Variants in NSMAF observed in about 807,000 individuals in gnomAD.
NSMAF encodes the protein neutral sphingomyelinase activation associated factor.
A neutral mutation model predicts 134.9 loss-of-function variants in NSMAF; 90 were observed. The ratio of observed to expected loss-of-function variants is 0.67; its 90% CI spans 0.56 to 0.79. NSMAF has a LOEUF of 0.79. Ranked by LOEUF, NSMAF falls within the 30% of genes least tolerant of loss-of-function variation. The pLI is 0.00. For synonymous variants in NSMAF, 358 were observed against 389.6 expected, an observed-to-expected ratio of 0.92 and a Z score of 0.96; for missense variants, 1,010 against 1,119.0, an observed-to-expected ratio of 0.90 and a Z score of 1.39.
chr8:58,592,793 G>A (rs558740444), intron 23 of NSMAF, among the ~76,000 whole-genome samples: 172 of 151,990 alleles, frequency 1.1e-3, no homozygotes, highest in African/African-American at 3.4e-3. Context: ...AGGCTGAGGC[G>A]GGAGAATCGC....
rs145049734 is a variant in NSMAF, at chr8:58,643,086, C to G, written c.60-13G>C. The G allele has an allele frequency of 1.3e-5, 21 of 1,600,734 alleles. No homozygotes were observed. In the Middle Eastern group the frequency reaches 9.9e-4, roughly 75 times the overall value. ...CAGCAAGGAAAATCTGGATTTGGGG[C>G]GAAAAAACAACTTTCAGTTTATTTT... On this transcript the variant is annotated splice_polypyrimidine_tract_variant and intron_variant, in intron 1 of 30. Coordinates refer to ENST00000038176, the MANE Select transcript of NSMAF (RefSeq NM_003580.4).
rs148436988 is a variant in NSMAF, at chr8:58,608,186, C to T, written c.688-346G>A. Among the ~76,000 whole-genome samples, 1,197 of 152,274 alleles carry T rather than the reference C, an allele frequency of 7.9e-3. 7 individuals are homozygous for T. Among genetic ancestry groups the T allele is most frequent in the Non-Finnish European group, 0.012 (817 of 68,014 alleles). ...AAATATAAAGAACTGGCATAAATAA[C>T]CTCTCAGGAATCTTGCTATCTTTTT... On this transcript the variant is annotated intron_variant, in intron 10 of 30. Transcript: ENST00000038176.
Position 58,591,050 on chromosome 8 carries a change from T to A in NSMAF, c.1952-116A>T, listed in dbSNP as rs190102204. ...CAACAGTACACTTTATACTCCAAAGTATAATCTTATGGAAAACCGAATGTA... is the reference window on the plus strand; with the variant it reads ...CAACAGTACACTTTATACTCCAAAGAATAATCTTATGGAAAACCGAATGTA... On this transcript the variant is annotated intron_variant, in intron 23 of 30. Transcript: ENST00000038176. The A allele has an allele frequency of 3.8e-3, 4,604 of 1,215,436 alleles. 8 individuals carry two copies. Among genetic ancestry groups the A allele is most frequent in the Non-Finnish European group, 4.7e-3 (4,301 of 905,964 alleles). The allele number at this position is 1,215,436 out of a possible 1,614,324, so 75.3% of individuals were successfully genotyped here.
chr8:58,602,205 A>T, intron 13 of NSMAF, 68 bp from the exon 14 acceptor site: 1 of 1,228,590 alleles, frequency 8.1e-7, no homozygotes, highest in Non-Finnish European at 1.2e-6. Context: ...AATTAATTCA[A>T]ATATACACAT....
intron 1 of NSMAF, 79 bp downstream of exon 1, chr8:58,659,494 C>G: frequency 1.3e-6 from 2 of 1,506,426 alleles, no homozygotes; most frequent in Non-Finnish European, 8.9e-7. Flanking sequence ...GCCTCCCGTC[C>G]CTCAGATCTC....
At chr8:58,584,360 A>C (rs942850933) in intron 30 of NSMAF, among the ~76,000 whole-genome samples, 160 bp from the exon 31 acceptor site, 3 of 152,230 alleles carry the variant, frequency 2.0e-5, no homozygotes, top group Non-Finnish European at 4.4e-5. Context: ...CCCTTGAATA[A>C]ATTAAAAATA....
At chr8:58,659,173 G>A (rs750386839) in intron 1 of NSMAF, 3 of 1,411,588 alleles carry the variant, frequency 2.1e-6, no homozygotes, top group Non-Finnish European at 2.7e-6. Flanking sequence ...GAAAGGGGGT[G>A]CCCGCCGGGC....
In NSMAF at chr8:58,640,022, A is replaced by T. The variant is rs544367479; in HGVS notation, c.149+2962T>A. 193 of 454,194 alleles carry T rather than the reference A, an allele frequency of 4.2e-4. 1 individual carries two copies. The highest frequency in any genetic ancestry group is 4.0e-3 in the Admixed American group (171 of 42,268). 28.1% of individuals were successfully genotyped at this position (454,194 alleles called of 1,614,324 possible). A position where few individuals can be genotyped will look rare whatever the true frequency, so the allele number is the denominator to read the frequency against. On this transcript the variant is annotated intron_variant, in intron 2 of 30. Transcript: ENST00000038176. ...CTTTGTTCAGGCAAGAGTAAGTTAA[A>T]CTTCACGAAATTAAAGGGGGTGGAA...
chr8:58,594,402 G>T, intron 22 of NSMAF, 112 bp from the exon 23 acceptor site: 1 of 936,548 alleles, frequency 1.1e-6, no homozygotes, highest in Non-Finnish European at 1.7e-6. Context: ...TTTCTTCACA[G>T]CATGTCTGCC....
At chr8:58,602,804 G>C (rs117063745) in intron 13 of NSMAF, among the ~76,000 whole-genome samples, 4,964 of 152,164 alleles carry the variant, frequency 0.033, 96 homozygotes, top group Non-Finnish European at 0.044. Flanking sequence ...TTTCTTCTTT[G>C]ATTATTTCAG....
chr8:58,642,914 C>T (rs551200484), intron 2 of NSMAF, 70 bp downstream of exon 2: 1 of 1,141,418 alleles, frequency 8.8e-7, no homozygotes, highest in Admixed American at 1.8e-5. Flanking sequence ...TATATGATCA[C>T]ACATTTAACT....
chr8:58,594,706 G>A (rs1237563053), intron 22 of NSMAF: 4 of 179,480 alleles, frequency 2.2e-5, no homozygotes, highest in Non-Finnish European at 3.5e-5. Context: ...GTTCCAGCCT[G>A]TCCTCTTAAA....
chr8:58,630,151 T>G (rs1585752855), intron 6 of NSMAF, among the ~76,000 whole-genome samples: 1 of 152,198 alleles, frequency 6.6e-6, no homozygotes, highest in Non-Finnish European at 1.5e-5. Flanking sequence ...CCGGCTTTGA[T>G]GTGGTTAGTT....
chr8:58,659,083 C>G (rs1346948381), intron 1 of NSMAF: 47 of 774,960 alleles, frequency 6.1e-5, no homozygotes, highest in East Asian at 1.7e-4. Flanking sequence ...TGGGTGGTCG[C>G]CGGCCTGCTC....
At chr8:58,603,456 A>G in intron 12 of NSMAF, 70 bp from the exon 13 acceptor site, 1 of 1,445,658 alleles carries the variant, frequency 6.9e-7, no homozygotes, top group Non-Finnish European at 9.6e-7. Flanking sequence ...CTAGGGGCTT[A>G]ACGTGTAGAC....
chr8:58,634,499 A>G (rs1419967538), intron 5 of NSMAF, among the ~76,000 whole-genome samples: 1 of 152,182 alleles, frequency 6.6e-6, no homozygotes, highest in Non-Finnish European at 1.5e-5. Context: ...TCATCCCAGA[A>G]CAATTCTTCT....
chr8:58,631,026 T>C (rs1250183183), intron 6 of NSMAF, among the ~76,000 whole-genome samples: 1 of 152,184 alleles, frequency 6.6e-6, no homozygotes, highest in Non-Finnish European at 1.5e-5. Context: ...TATGCTTAAG[T>C]GAAAGGTCCC....
Position 58,659,531 on chromosome 8 carries a change from G to T in NSMAF, c.59+42C>A, listed in dbSNP as rs757488143. The T allele has an allele frequency of 5.3e-6, 8 of 1,521,896 alleles. No homozygotes were observed. The African/African-American group carries it at 5.8e-5, about 11-fold the overall frequency. The allele number at this position is 1,521,896 out of a possible 1,614,324, so 94.3% of individuals were successfully genotyped here. On this transcript the variant is annotated intron_variant, in intron 1 of 30. Transcript: ENST00000038176. ...GGCCGGCGTCCCCACGACCGGCCCC[G>T]ACTAGGCCCCCGGCTGGGCCCTTCT...
At chr8:58,592,744 AG>A (rs1204188651) in intron 23 of NSMAF, among the ~76,000 whole-genome samples, 1 of 152,134 alleles carries the variant, frequency 6.6e-6, no homozygotes, top group Non-Finnish European at 1.5e-5. Flanking sequence ...AAAATTAGCC[AG>A]GCACGATGGT....
Sources: allele counts gnomAD v4.1 joint callset (sites outside exome capture counted in the v4.1 genomes callset), GRCh38; gene constraint gnomAD v4.1.1; transcripts MANE v1.5; gene names NCBI Gene and HGNC (gene_info 2026-07-23, HGNC 2026-07-21).